PAFAH1B1: variants seen among roughly 807,000 people sequenced by gnomAD.
The protein encoded by PAFAH1B1 is platelet activating factor acetylhydrolase 1b regulatory subunit 1.
In PAFAH1B1, 2 loss-of-function variants were observed where a neutral mutation model predicts 57.5. The observed-to-expected ratio is 0.03, with a 90% CI of 0.01 to 0.11. The LOEUF (loss-of-function observed/expected upper bound fraction) is 0.11. PAFAH1B1 is among the 10% of genes least tolerant of loss of function. The probability of loss-of-function intolerance (pLI) is 1.00; values close to 1 mark genes in which losing one functional copy is unlikely to be tolerated. For synonymous variants in PAFAH1B1, 152 were observed against 169.6 expected (o/e 0.90, Z 0.81); for missense variants, 257 against 512.0 (o/e 0.50, Z 4.81).
chr17:2,608,766 A>G (rs1231127658), intron 1 of PAFAH1B1, among the ~76,000 whole-genome samples: 8 of 152,256 alleles, frequency 5.3e-5, no homozygotes, highest in Admixed American at 5.2e-4. Context: ...CTCTAAAAAT[A>G]AAAAATGATT....
intron 2 of PAFAH1B1, among the ~76,000 whole-genome samples, chr17:2,651,070 C>T (rs2068843109): frequency 6.6e-6 from 1 of 152,090 alleles, no homozygotes. Flanking sequence ...ATAGTAATGT[C>T]TAAGCCATCT....
intron 5 of PAFAH1B1, among the ~76,000 whole-genome samples, chr17:2,668,792 G>C (rs2151662622): frequency 6.6e-6 from 1 of 152,172 alleles, no homozygotes; most frequent in East Asian, 1.9e-4. Context: ...TGGCTAACAT[G>C]GTGAAACCCC....
In PAFAH1B1 at chr17:2,619,371, A is replaced by G. The variant is rs1224888469; in HGVS notation, c.-190-18728A>G. Among the ~76,000 whole-genome samples the G allele has an allele frequency of 2.0e-5, 3 of 152,096 alleles. No homozygotes were observed. The East Asian group carries it at 5.8e-4, about 29-fold the overall frequency. On this transcript the variant is annotated intron_variant, in intron 1 of 10. Transcript: ENST00000397195. Reference sequence around the variant, plus strand: ...TGGGGTTTCACTAGCTGGGACTACAAGCATGTGCCACCATGCCTGGCTAAT... The same window carrying G: ...TGGGGTTTCACTAGCTGGGACTACAGGCATGTGCCACCATGCCTGGCTAAT...
intron 2 of PAFAH1B1, among the ~76,000 whole-genome samples, chr17:2,648,857 C>T (rs1567545498): frequency 6.6e-6 from 1 of 151,854 alleles, no homozygotes; most frequent in East Asian, 1.9e-4. Flanking sequence ...AATATAAATA[C>T]TAGGTGCATT....
chr17:2,606,803 C>T (rs7217392), intron 1 of PAFAH1B1, among the ~76,000 whole-genome samples: 52,830 of 138,316 alleles, frequency 0.38, 12,033 homozygotes, highest in African/African-American at 0.6. Context: ...TCATATTTGC[C>T]TCAGAGCTTT....
intron 1 of PAFAH1B1, among the ~76,000 whole-genome samples, chr17:2,602,271 G>A (rs1475684103): frequency 6.6e-6 from 1 of 151,134 alleles, no homozygotes; most frequent in Non-Finnish European, 1.5e-5. Context: ...ACAAAACAGC[G>A]AGGGCCTATC....
In PAFAH1B1 at chr17:2,674,115, A is replaced by C. The variant is rs2069227411; in HGVS notation, c.727A>C (p.Asn243His). Residue 243 changes from asparagine (N) to histidine (H), a missense_variant, in exon 8 of 11, where the codon AAT (asparagine) becomes CAT (histidine). Transcript: ENST00000397195. Reference sequence around the variant, plus strand: ...AGAATGGGTACGTATGGTACGGCCAAATCAAGATGGCACTCTGATAGCCAG... The same window carrying C: ...AGAATGGGTACGTATGGTACGGCCACATCAAGATGGCACTCTGATAGCCAG... ...HREWVRMVRP[N>H]QDGTLIASCS... 2 of 1,614,002 alleles carry C rather than the reference A, an allele frequency of 1.2e-6. No individual in the cohort carries two copies. The highest frequency in any genetic ancestry group is 1.3e-5 in the African/African-American group (1 of 74,932).
chr17:2,672,559 A>T (rs1433546036), intron 6 of PAFAH1B1, 96 bp from the exon 7 acceptor site: 1 of 844,516 alleles, frequency 1.2e-6, no homozygotes. Flanking sequence ...TTGCTTTGAC[A>T]TAGTGAAACC....
intron 1 of PAFAH1B1, among the ~76,000 whole-genome samples, chr17:2,606,733 C>CA (rs1460200235): frequency 6.7e-6 from 1 of 149,062 alleles, no homozygotes; most frequent in Admixed American, 6.7e-5. Flanking sequence ...AAAGTACCTG[C>CA]AGTAGTAAAA....
intron 4 of PAFAH1B1, 86 bp from the exon 5 acceptor site, chr17:2,666,906 G>A: frequency 2.2e-6 from 2 of 927,322 alleles, no homozygotes; most frequent in South Asian, 2.8e-5. Flanking sequence ...TACATACATA[G>A]TTGCAAAATA....
At chr17:2,654,015 GCCAGGATGGTC>G (rs1476358712) in intron 2 of PAFAH1B1, among the ~76,000 whole-genome samples, 13 of 151,368 alleles carry the variant, frequency 8.6e-5, no homozygotes, top group Non-Finnish European at 1.8e-4. Flanking sequence ...CACCATGTTA[GCCAGGATGGTC>G]TCAATCTCCT....
Position 2,684,398 on chromosome 17 carries a change from G to T in PAFAH1B1, c.*2596G>T, listed in dbSNP as rs2069438499. ...AATGATGAGGTTACTGGTTTGGATT[G>T]TAAGTAGAGGACTTTTATTAATTGG... On this transcript the variant is annotated 3_prime_UTR_variant, in exon 11 of 11. Transcript: ENST00000397195. 6.6e-6 allele frequency: 1 copy of T among 152,626 alleles called. No homozygotes were observed. Among genetic ancestry groups the T allele is most frequent in the Non-Finnish European group, 1.5e-5 (1 of 68,048 alleles). The allele number at this position is 152,626 out of a possible 1,614,324, so 9.5% of individuals were successfully genotyped here. A position where few individuals can be genotyped will look rare whatever the true frequency, so the allele number is the denominator to read the frequency against.
chr17:2,629,820 TTTACTA>T (rs1170566133), intron 1 of PAFAH1B1, among the ~76,000 whole-genome samples: 15 of 152,198 alleles, frequency 9.9e-5, no homozygotes, highest in African/African-American at 3.6e-4. Context: ...GACAAGGCCT[TTTACTA>T]TTATATAACG....
At position 2,593,805 on chromosome 17, in the gene PAFAH1B1, C is replaced by T. The variant is rs1212121688; in HGVS notation, c.-392C>T. The T allele has an allele frequency of 2.5e-6, 1 of 395,174 alleles. No individual in the cohort carries two copies. The highest frequency in any genetic ancestry group is 3.6e-5 in the East Asian group (1 of 27,852). 24.5% of individuals were successfully genotyped at this position (395,174 alleles called of 1,614,324 possible). A position where few individuals can be genotyped will look rare whatever the true frequency, so the allele number is the denominator to read the frequency against. ...AGCGAGAGAAACCGCGAGCGCCGAG[C>T]TTGGACTCGAGCCCCGGAACGGCTG... On this transcript the variant is annotated 5_prime_UTR_variant, in exon 1 of 11. Transcript: ENST00000397195.
intron 9 of PAFAH1B1, among the ~76,000 whole-genome samples, chr17:2,679,441 GATGGATAGATGGATGA>G (rs2069331804): frequency 6.6e-6 from 1 of 151,094 alleles, no homozygotes; most frequent in Non-Finnish European, 1.5e-5. Context: ...TGGATGGTTG[GATGGATAGATGGATGA>G]TTGGATGGAT....
At chr17:2,622,757 A>G (rs1003247835) in intron 1 of PAFAH1B1, among the ~76,000 whole-genome samples, 1 of 152,068 alleles carries the variant, frequency 6.6e-6, no homozygotes, top group Non-Finnish European at 1.5e-5. Flanking sequence ...GGGGGCTCTG[A>G]CCCCACATTT....
intron 1 of PAFAH1B1, among the ~76,000 whole-genome samples, chr17:2,614,210 G>A (rs559060272): frequency 6.6e-6 from 1 of 151,200 alleles, no homozygotes; most frequent in Non-Finnish European, 1.5e-5. Flanking sequence ...TAAATTTGTG[G>A]TAGAATGAGG....
chr17:2,611,707 C>G lies in PAFAH1B1; in HGVS notation c.-191+17701C>G, dbSNP rs553958661. On this transcript the variant is annotated intron_variant, in intron 1 of 10. Coordinates refer to ENST00000397195, the MANE Select transcript of PAFAH1B1 (RefSeq NM_000430.4). ...GAGTGAGAGTACGTCTTTACTCTCTCAGAACACAGTAAGTTTTGATCTTAG... is the reference window on the plus strand; with the variant it reads ...GAGTGAGAGTACGTCTTTACTCTCTGAGAACACAGTAAGTTTTGATCTTAG... Among the ~76,000 whole-genome samples the G allele has an allele frequency of 1.3e-3, 202 of 152,176 alleles. 1 individual carries two copies. The highest frequency in any genetic ancestry group is 4.6e-3 in the African/African-American group (190 of 41,532).
intron 2 of PAFAH1B1, among the ~76,000 whole-genome samples, chr17:2,646,655 T>C (rs1463687363): frequency 6.6e-6 from 1 of 151,930 alleles, no homozygotes; most frequent in Non-Finnish European, 1.5e-5. Context: ...CAAAAAATAA[T>C]AAAATAAATA....
Sources: allele counts gnomAD v4.1 joint callset (sites outside exome capture counted in the v4.1 genomes callset), GRCh38; gene constraint gnomAD v4.1.1; transcripts MANE v1.5; gene names NCBI Gene and HGNC (gene_info 2026-07-23, HGNC 2026-07-21).